Variants in SYNJ2BP observed in about 807,000 individuals in gnomAD.
The protein encoded by SYNJ2BP is synaptojanin-2-binding protein.
In SYNJ2BP, 10 loss-of-function variants were observed where a neutral mutation model predicts 16.9. That is an observed-to-expected ratio of 0.59 (90% CI 0.36 to 1.00). The LOEUF (loss-of-function observed/expected upper bound fraction) is 1.00, where lower values mean the gene tolerates loss of function less well. Among genes scored for constraint, SYNJ2BP ranks in the 50% least tolerant of loss-of-function variants. The probability of loss-of-function intolerance (pLI) is 0.01; values close to 1 mark genes in which losing one functional copy is unlikely to be tolerated. For missense variants in SYNJ2BP, 162 were observed against 186.7 expected, an observed-to-expected ratio of 0.87 and a Z score of 0.77; for synonymous variants, 54 against 68.4, an observed-to-expected ratio of 0.79 and a Z score of 1.04.
intron 2 of SYNJ2BP, among the ~76,000 whole-genome samples, chr14:70,377,763 T>A (rs1887664859): frequency 6.6e-6 from 1 of 152,240 alleles, no homozygotes; most frequent in South Asian, 2.1e-4. Context: ...TTAACTATTA[T>A]CTTTCTCTGC....
At chr14:70,404,170 A>G (rs76289685) in intron 1 of SYNJ2BP, among the ~76,000 whole-genome samples, 1,100 of 103,706 alleles carry the variant, frequency 0.011, 12 homozygotes, top group African/African-American at 0.028. Flanking sequence ...ACAAAAATGA[A>G]AAATTAAAAA....
chr14:70,394,705 A>T (rs1485617664), intron 1 of SYNJ2BP, among the ~76,000 whole-genome samples: 1 of 136,486 alleles, frequency 7.3e-6, no homozygotes, highest in Non-Finnish European at 1.7e-5. Context: ...ACTCCTGACT[A>T]TAGGTCTGGA....
At chr14:70,396,791 T>C (rs1445104238) in intron 1 of SYNJ2BP, among the ~76,000 whole-genome samples, 1 of 152,200 alleles carries the variant, frequency 6.6e-6, no homozygotes, top group African/African-American at 2.4e-5. Context: ...ATTACCTTCT[T>C]TGGAGAAATG....
At chr14:70,387,849 A>G (rs1887893584) in intron 2 of SYNJ2BP, among the ~76,000 whole-genome samples, 1 of 150,546 alleles carries the variant, frequency 6.6e-6, no homozygotes, top group African/African-American at 2.4e-5. Flanking sequence ...AAAAAAAAGG[A>G]TCTTTTCACT....
At chr14:70,416,769 A>C in intron 1 of SYNJ2BP, 131 bp downstream of exon 1, 1 of 1,354,754 alleles carries the variant, frequency 7.4e-7, no homozygotes, top group Non-Finnish European at 1.0e-6. Context: ...AAGCACCCCG[A>C]AGCGTTGCAC....
chr14:70,416,317 CTT>C (rs34083947), intron 1 of SYNJ2BP, among the ~76,000 whole-genome samples: 37,928 of 140,776 alleles, frequency 0.27, 7,319 homozygotes, highest in African/African-American at 0.56. Flanking sequence ...TTTTTATTTT[CTT>C]TTTTTTTTTT....
At chr14:70,376,074 T>C (rs1339871101) in intron 2 of SYNJ2BP, among the ~76,000 whole-genome samples, 6 of 152,350 alleles carry the variant, frequency 3.9e-5, no homozygotes, top group African/African-American at 1.4e-4. Context: ...GTTACCGTAT[T>C]AGCATTTCTT....
chr14:70,407,803 GCTA>G (rs1383386025), intron 1 of SYNJ2BP, among the ~76,000 whole-genome samples: 1 of 152,154 alleles, frequency 6.6e-6, no homozygotes, highest in Non-Finnish European at 1.5e-5. Flanking sequence ...CCCGCCCACA[GCTA>G]CTGCTTATCT....
At chr14:70,381,572 G>C (rs1401787596) in intron 2 of SYNJ2BP, among the ~76,000 whole-genome samples, 1 of 152,126 alleles carries the variant, frequency 6.6e-6, no homozygotes, top group Non-Finnish European at 1.5e-5. Flanking sequence ...AAGTTCTGTA[G>C]ATTTCACCCT....
chr14:70,368,097 C>T lies in SYNJ2BP; in HGVS notation c.*4894G>A, dbSNP rs1403243344. On this transcript the variant is annotated 3_prime_UTR_variant, in exon 4 of 4. Transcript: ENST00000256366. The stretch of plus-strand genomic sequence containing the variant: ...CTATACACTTCCTTATGTTTCATTT[C>T]TTTAAATATACTTTAAAAATTGCTT... 3 of 152,018 alleles carry T rather than the reference C, an allele frequency of 2.0e-5. No individual in the cohort carries two copies. The highest frequency in any genetic ancestry group is 4.4e-5 in the Non-Finnish European group (3 of 68,012). The allele number at this position is 152,018 out of a possible 1,614,324, so 9.4% of individuals were successfully genotyped here. A position where few individuals can be genotyped will look rare whatever the true frequency, so the allele number is the denominator to read the frequency against.
intron 1 of SYNJ2BP, among the ~76,000 whole-genome samples, chr14:70,396,205 G>A (rs199917310): frequency 1.3e-5 from 2 of 152,048 alleles, no homozygotes; most frequent in Non-Finnish European, 2.9e-5. Flanking sequence ...TGAAAGCTCC[G>A]CCTCCCAGGT....
rs1887416302 is a variant in SYNJ2BP at position 70,367,551 on chromosome 14, G to A, written c.*5440C>T. ...CACTCCAGCCTAGGCGACAGAGCAA[G>A]ACTCCGTCTCAAAAAAAAAAAAAAA... is the stretch of plus-strand genomic sequence containing the variant. On this transcript the variant is annotated 3_prime_UTR_variant, in exon 4 of 4. Coordinates refer to ENST00000256366, the MANE Select transcript of SYNJ2BP (RefSeq NM_018373.3). The A allele has an allele frequency of 1.0e-5, 1 of 97,396 alleles. No individual in the cohort carries two copies. Among genetic ancestry groups the A allele is most frequent in the Non-Finnish European group, 1.8e-5 (1 of 55,680 alleles). 6.0% of individuals were successfully genotyped at this position (97,396 alleles called of 1,614,324 possible). A position where few individuals can be genotyped will look rare whatever the true frequency, so the allele number is the denominator to read the frequency against.
intron 1 of SYNJ2BP, among the ~76,000 whole-genome samples, chr14:70,393,894 A>AACC (rs917390180): frequency 6.6e-6 from 1 of 151,918 alleles, no homozygotes; most frequent in African/African-American, 2.4e-5. Context: ...TAGTGCAGGA[A>AACC]ACCACCATGG....
At chr14:70,396,067 G>A (rs1259219918) in intron 1 of SYNJ2BP, among the ~76,000 whole-genome samples, 1 of 151,964 alleles carries the variant, frequency 6.6e-6, no homozygotes, top group African/African-American at 2.4e-5. Flanking sequence ...TTCCACATTT[G>A]GCGGCTGTGA....
chr14:70,404,744 G>A (rs1000014228), intron 1 of SYNJ2BP, among the ~76,000 whole-genome samples: 1 of 152,166 alleles, frequency 6.6e-6, no homozygotes, highest in African/African-American at 2.4e-5. Context: ...TATAAAGAAA[G>A]TAAGATGTGA....
Position 70,371,235 on chromosome 14 carries a change from G to A in SYNJ2BP, c.*1756C>T, listed in dbSNP as rs992104308. ...TGAACAGGATGGTTCCCACCTTATC[G>A]AGATCACTGGCATTCCATAGTATCC... On this transcript the variant is annotated 3_prime_UTR_variant, in exon 4 of 4. Transcript: ENST00000256366. 2.6e-5 allele frequency: 4 copies of A among 152,084 alleles called. No individual in the cohort carries two copies. The highest frequency in any genetic ancestry group is 2.4e-5 in the African/African-American group (1 of 41,390). 9.4% of individuals were successfully genotyped at this position (152,084 alleles called of 1,614,324 possible). A position where few individuals can be genotyped will look rare whatever the true frequency, so the allele number is the denominator to read the frequency against.
In SYNJ2BP at chr14:70,369,560, A is replaced by AT. The variant is rs1019016975; in HGVS notation, c.*3430dup. The AT allele has an allele frequency of 1.3e-5, 2 of 152,056 alleles. No individual in the cohort carries two copies. Among genetic ancestry groups the AT allele is most frequent in the African/African-American group, 2.4e-5 (1 of 41,394 alleles). The allele number at this position is 152,056 out of a possible 1,614,324, so 9.4% of individuals were successfully genotyped here. On this transcript the variant is annotated 3_prime_UTR_variant, in exon 4 of 4. Coordinates refer to ENST00000256366, the MANE Select transcript of SYNJ2BP (RefSeq NM_018373.3). The stretch of plus-strand genomic sequence containing the variant: ...CCACCTACATAATCCTAGTCAAGTA[A>AT]TTTTTTCTCTCATTTTTAGTCTCTT...
intron 1 of SYNJ2BP, among the ~76,000 whole-genome samples, chr14:70,407,675 T>C (rs1888377912): frequency 1.3e-5 from 2 of 151,380 alleles, no homozygotes; most frequent in Admixed American, 6.6e-5. Context: ...ACATAGAAGA[T>C]GAAGTTTAAA....
chr14:70,416,914 G>T lies in SYNJ2BP; in HGVS notation c.50C>A (p.Thr17Asn). The stretch of plus-strand genomic sequence containing the variant: ...TCCGCACATACCTGAGGGCCCTCTG[G>T]TAAGATTGATCTCTTCCTCAGTGAC... Reference protein sequence around the residue: ...YLVTEEEINLTRGPSGLGFNI... With the variant: ...YLVTEEEINLNRGPSGLGFNI... Residue 17 changes from threonine (T) to asparagine (N), a missense_variant, in exon 1 of 4, where the codon ACC becomes AAC. Thr to Asn is a moderately conservative substitution (Grantham distance 65). Transcript: ENST00000256366. The T allele has an allele frequency of 6.2e-7, 1 of 1,614,104 alleles. No homozygotes were observed. Among genetic ancestry groups the T allele is most frequent in the East Asian group, 2.2e-5 (1 of 44,870 alleles).
Sources: allele counts gnomAD v4.1 joint callset (sites outside exome capture counted in the v4.1 genomes callset), GRCh38; gene constraint gnomAD v4.1.1; transcripts MANE v1.5; gene names NCBI Gene and HGNC (gene_info 2026-07-23, HGNC 2026-07-21).